The following DBF4B variants were observed in gnomAD, a reference collection of about 807,000 sequenced individuals.
DBF4B encodes the protein DBF4B-CDC7 kinase regulatory subunit.
A neutral mutation model predicts 53.4 loss-of-function variants in DBF4B; 49 were observed. The ratio of observed to expected loss-of-function variants is 0.92; its 90% CI spans 0.73 to 1.16. The LOEUF (loss-of-function observed/expected upper bound fraction) is 1.16, where lower values mean the gene tolerates loss of function less well. Among genes scored for constraint, DBF4B ranks in the 50% most tolerant of loss-of-function variants. The probability of loss-of-function intolerance (pLI) is 0.00; values close to 1 mark genes in which losing one functional copy is unlikely to be tolerated. For synonymous variants in DBF4B, 257 were observed against 288.7 expected (o/e 0.89, Z 1.11); for missense variants, 692 against 775.0 (o/e 0.89, Z 1.27).
At chr17:44,734,293 C>A in intron 7 of DBF4B, 130 bp downstream of exon 7, 2 of 1,144,908 alleles carry the variant, frequency 1.7e-6, no homozygotes, top group African/African-American at 1.5e-5. Flanking sequence ...AGGAATGCAG[C>A]CTCTTATTTA....
chr17:44,720,777 A>C (rs903929508), intron 2 of DBF4B, among the ~76,000 whole-genome samples: 12 of 152,090 alleles, frequency 7.9e-5, no homozygotes, highest in Non-Finnish European at 1.5e-4. Flanking sequence ...ATGGTTTTCC[A>C]ATGTGACTGC....
chr17:44,713,083 A>G (rs539694308), intron 2 of DBF4B, among the ~76,000 whole-genome samples: 191 of 122,220 alleles, frequency 1.6e-3, no homozygotes, highest in African/African-American at 5.6e-3. Flanking sequence ...TCTGTCGCCC[A>G]GGCTGGAGTG....
intron 7 of DBF4B, among the ~76,000 whole-genome samples, chr17:44,735,599 G>A (rs946991645): frequency 6.6e-6 from 1 of 152,082 alleles, no homozygotes; most frequent in Non-Finnish European, 1.5e-5. Context: ...GAACCCTGGA[G>A]ACAAGTTGCA....
rs774213441 is a variant in DBF4B, at chr17:44,730,003, T to TA, written c.325dup (p.Ser109LysfsTer3). On this transcript the variant is annotated frameshift_variant, in exon 4 of 14. Transcript: ENST00000315005. LOFTEE classifies it high-confidence loss of function. ...GTGGGAAAAGCCATAGAGGCTGCCC[T>TA]AGCCCTAGCCCCAGTGAGGTCAGAG... 3.7e-6 allele frequency: 6 copies of TA among 1,613,730 alleles called. No individual in the cohort carries two copies. In the African/African-American group the frequency reaches 6.7e-5, roughly 18 times the overall value.
chr17:44,714,941 A>G lies in DBF4B; in HGVS notation c.82+5575A>G, dbSNP rs895707724. On this transcript the variant is annotated intron_variant, in intron 2 of 13. Coordinates refer to ENST00000315005, the MANE Select transcript of DBF4B (RefSeq NM_145663.3). ...AGGCTTTTACATTAGCTGGTCTCCA[A>G]TATTGGCTACAATGTAAGTCAAATC... is the stretch of plus-strand genomic sequence containing the variant. Among the ~76,000 whole-genome samples the G allele has an allele frequency of 9.2e-5, 14 of 152,084 alleles. 1 individual carries two copies. The highest frequency in any genetic ancestry group is 1.8e-4 in the Non-Finnish European group (12 of 68,012).
rs1297343795 is a variant in DBF4B at position 44,708,884 on chromosome 17, T to C, written c.19+45T>C. 5 of 1,547,840 alleles carry C rather than the reference T, an allele frequency of 3.2e-6. No homozygotes were observed. In the Admixed American group the frequency reaches 5.9e-5, roughly 18 times the overall value. On this transcript the variant is annotated intron_variant, in intron 1 of 13. Coordinates refer to ENST00000315005, the MANE Select transcript of DBF4B (RefSeq NM_145663.3). ...GAGAAAGAAAGGCGGAAGGGGTCGT[T>C]AATAGCTGAGGCGAGGTGCGGAGTC...
chr17:44,744,199 C>T lies in DBF4B; in HGVS notation c.830+2747C>T, dbSNP rs1976381161. 2.0e-5 allele frequency among the ~76,000 whole-genome samples: 3 copies of T among 149,706 alleles called. No individual in the cohort carries two copies. The South Asian group carries it at 6.3e-4, about 31-fold the overall frequency. Reference sequence around the variant, plus strand: ...GACTGAGGCAGGTGGATCACTTGAGCTCACGAGTTTGAGACCAGCCTGAGC... The same window carrying T: ...GACTGAGGCAGGTGGATCACTTGAGTTCACGAGTTTGAGACCAGCCTGAGC... On this transcript the variant is annotated intron_variant, in intron 10 of 13. Coordinates refer to ENST00000315005, the MANE Select transcript of DBF4B (RefSeq NM_145663.3).
chr17:44,724,347 A>G (rs1003303847), intron 3 of DBF4B, among the ~76,000 whole-genome samples: 5 of 152,128 alleles, frequency 3.3e-5, no homozygotes, highest in African/African-American at 1.2e-4. Context: ...CTAGGGTGAC[A>G]CAGCATGACC....
In DBF4B at chr17:44,709,944, C is replaced by T. The variant is rs576085582; in HGVS notation, c.82+578C>T. Among the ~76,000 whole-genome samples the T allele has an allele frequency of 2.6e-5, 4 of 151,672 alleles. No homozygotes were observed. In the East Asian group the frequency reaches 7.7e-4, roughly 29 times the overall value. ...ATCCCAGCACTTTGGGAGGCCAAGG[C>T]GGGCGGATCACGAGGTCAGGAGATT... is the stretch of plus-strand genomic sequence containing the variant. On this transcript the variant is annotated intron_variant, in intron 2 of 13. Transcript: ENST00000315005.
Position 44,749,478 on chromosome 17 carries a change from G to A in DBF4B, c.1189+1013G>A. The A allele has an allele frequency of 1.6e-6, 2 of 1,285,808 alleles. No homozygotes were observed. Among genetic ancestry groups the A allele is most frequent in the Non-Finnish European group, 2.0e-6 (2 of 986,370 alleles). The allele number at this position is 1,285,808 out of a possible 1,614,324, so 79.6% of individuals were successfully genotyped here. A position where few individuals can be genotyped will look rare whatever the true frequency, so the allele number is the denominator to read the frequency against. ...CCCAAAAGAGCTAGAAGGAGGCCCG[G>A]GCCTGGCCTTTGAAGTCCAGCAAGC... is the stretch of plus-strand genomic sequence containing the variant. On this transcript the variant is annotated intron_variant, in intron 13 of 13. Coordinates refer to ENST00000315005, the MANE Select transcript of DBF4B (RefSeq NM_145663.3). This position sits in a 1 kb window ranked among gnomAD's most constrained non-coding sequence, Gnocchi z 4.4.
At chr17:44,711,184 C>A (rs1284985000) in intron 2 of DBF4B, among the ~76,000 whole-genome samples, 1 of 151,978 alleles carries the variant, frequency 6.6e-6, no homozygotes, top group African/African-American at 2.4e-5. Context: ...CAGGGTTCCA[C>A]CATGTTGGTC....
intron 10 of DBF4B, among the ~76,000 whole-genome samples, chr17:44,743,463 C>A (rs909402264): frequency 2.4e-4 from 37 of 151,392 alleles, no homozygotes; most frequent in African/African-American, 7.8e-4. Context: ...AGTTCTATCC[C>A]CTCACTGGTG....
chr17:44,749,120 A>T lies in DBF4B; in HGVS notation c.1189+655A>T. ...CCCCTGTACTCAGCTACCAGTGTGC[A>T]GCCCTCGGGAGCACCTGTAGAGAGC... is the stretch of plus-strand genomic sequence containing the variant. On this transcript the variant is annotated intron_variant, in intron 13 of 13. Coordinates refer to ENST00000315005, the MANE Select transcript of DBF4B (RefSeq NM_145663.3). This position sits in a 1 kb window ranked among gnomAD's most constrained non-coding sequence, Gnocchi z 4.4. 1 of 1,289,626 alleles carries T rather than the reference A, an allele frequency of 7.8e-7. No homozygotes were observed. 79.9% of individuals were successfully genotyped at this position (1,289,626 alleles called of 1,614,324 possible). A position where few individuals can be genotyped will look rare whatever the true frequency, so the allele number is the denominator to read the frequency against.
rs869200833 is a variant in DBF4B, at chr17:44,715,812, CTTTTTTTTTTTTTT to C, written c.82+6461_82+6474del. ...GTTAGCCTAATTTCTTTCTTTCTTT[CTTTTTTTTTTTTTT>C]TTTTTTTTTTTTTTGAGGCAGAGTC... On this transcript the variant is annotated intron_variant, in intron 2 of 13. Transcript: ENST00000315005. 9.0e-5 allele frequency among the ~76,000 whole-genome samples: 5 copies of C among 55,538 alleles called. No homozygotes were observed. The South Asian group carries it at 2.0e-3, about 22-fold the overall frequency. The allele number at this position is 55,538 out of a possible 152,430, so 36.4% of individuals were successfully genotyped here.
Position 44,709,347 on chromosome 17 carries a change from G to C in DBF4B, c.63G>C (p.Arg21Ser), listed in dbSNP as rs1972653995. Residue 21 changes from arginine to serine, a missense_variant, in exon 2 of 14, where the codon AGG becomes AGC. Transcript: ENST00000315005. The part of the protein sequence containing the change: ...LELESSMAES[R>S]LRAPDLGVSR... ...TGGAGAGTTCCATGGCTGAGAGTAG[G>C]CTCCGGGCCCCGGACCTAGGTGGGT... 1.2e-6 allele frequency: 2 copies of C among 1,614,132 alleles called. No homozygotes were observed. The highest frequency in any genetic ancestry group is 1.7e-6 in the Non-Finnish European group (2 of 1,180,026).
chr17:44,738,319 T>C, intron 8 of DBF4B, 60 bp from the exon 9 acceptor site: 3 of 1,524,850 alleles, frequency 2.0e-6, no homozygotes, highest in Non-Finnish European at 2.7e-6. Flanking sequence ...CCTGCATGTG[T>C]GGTGCAGGCC....
At chr17:44,746,102 T>C (rs1333272145) in intron 10 of DBF4B, among the ~76,000 whole-genome samples, 1 of 147,850 alleles carries the variant, frequency 6.8e-6, no homozygotes, top group Non-Finnish European at 1.5e-5. Flanking sequence ...CGTGGTGGTG[T>C]GTTCCTGTAA....
intron 2 of DBF4B, among the ~76,000 whole-genome samples, chr17:44,711,416 TTCTCCTGCCTCAGTCTCCCAA>T (rs967813233): frequency 5.3e-5 from 8 of 152,076 alleles, no homozygotes; most frequent in African/African-American, 1.4e-4. Context: ...GTGCAAGCAA[TTCTCCTGCCTCAGTCTCCCAA>T]TCTCCTGCCT....
intron 8 of DBF4B, 100 bp downstream of exon 8, chr17:44,736,966 CAGCA>C: frequency 7.1e-7 from 1 of 1,411,290 alleles, no homozygotes. Flanking sequence ...TTTTCTGTGG[CAGCA>C]AGCGAGTCCA....
Sources: allele counts gnomAD v4.1 joint callset (sites outside exome capture counted in the v4.1 genomes callset), GRCh38; gene constraint gnomAD v4.1.1; non-coding constraint Gnocchi (gnomAD v3.1); transcripts MANE v1.5; gene names NCBI Gene and HGNC (gene_info 2026-07-23, HGNC 2026-07-21).